Variants in PXYLP1 observed in about 807,000 individuals in gnomAD.
The protein encoded by PXYLP1 is 2-phosphoxylose phosphatase 1.
Under a neutral mutation model 37.9 loss-of-function variants are expected in PXYLP1, and 17 were observed. The observed-to-expected ratio is 0.45, with a 90% CI of 0.31 to 0.67. The LOEUF is 0.67. PXYLP1 is among the 30% of genes least tolerant of loss of function. The pLI is 0.07. For missense variants in PXYLP1, 511 were observed against 612.0 expected, an observed-to-expected ratio of 0.84 and a Z score of 1.74; for synonymous variants, 221 against 232.2, an observed-to-expected ratio of 0.95 and a Z score of 0.44.
chr3:141,233,281 A>G (rs1205321537), intron 1 of PXYLP1, among the ~76,000 whole-genome samples: 2 of 152,062 alleles, frequency 1.3e-5, no homozygotes, highest in African/African-American at 4.8e-5. Flanking sequence ...TAGCCTGACC[A>G]ACATAAAAAC....
chr3:141,284,646 A>G (rs1942030367), intron 4 of PXYLP1, among the ~76,000 whole-genome samples: 1 of 152,198 alleles, frequency 6.6e-6, no homozygotes, highest in East Asian at 1.9e-4. Flanking sequence ...ACATTCTCCC[A>G]TGTACTTTAC....
chr3:141,259,898 T>C (rs1362803987), intron 1 of PXYLP1, among the ~76,000 whole-genome samples: 3 of 152,222 alleles, frequency 2.0e-5, no homozygotes, highest in Non-Finnish European at 4.4e-5. Flanking sequence ...ATTCAGGAAC[T>C]AGTTTTTGCT....
chr3:141,292,359 G>A lies in PXYLP1; in HGVS notation c.597G>A (p.Gln199=), dbSNP rs751878330. 1.2e-6 allele frequency: 2 copies of A among 1,614,156 alleles called. No individual in the cohort carries two copies. The highest frequency in any genetic ancestry group is 2.2e-5 in the South Asian group (2 of 91,084). ...KLLPNDWSAD[Q]LYLETTGKSR... ...TGCCCAATGATTGGTCTGCAGACCAGCTCTATTTAGAGACCACTGGGAAAA... is the reference window on the plus strand; with the variant it reads ...TGCCCAATGATTGGTCTGCAGACCAACTCTATTTAGAGACCACTGGGAAAA... Residue 199 remains glutamine, a synonymous_variant, in exon 6 of 6, where the codon CAG becomes CAA. Coordinates refer to ENST00000286353, the MANE Select transcript of PXYLP1 (RefSeq NM_001037172.3). This position sits in a 1 kb window ranked among gnomAD's most constrained non-coding sequence, Gnocchi z 4.3.
rs571180000 is a variant in PXYLP1, at chr3:141,266,384, T to TCGC, written c.79+6132_79+6134dup. On this transcript the variant is annotated intron_variant, in intron 2 of 5. Transcript: ENST00000286353. ...CTGGGTGGGGAGAGTGCTGTCTTGG[T>TCGC]CGCCACAGCGCCCACCTGCCTAGTC... Among the ~76,000 whole-genome samples the TCGC allele has an allele frequency of 2.0e-3, 307 of 152,150 alleles. 1 individual carries two copies. The highest frequency in any genetic ancestry group is 7.1e-3 in the African/African-American group (294 of 41,490).
chr3:141,244,993 G>T (rs1940902258), intron 1 of PXYLP1, among the ~76,000 whole-genome samples: 1 of 150,048 alleles, frequency 6.7e-6, no homozygotes, highest in African/African-American at 2.4e-5. Context: ...CATGATAGGT[G>T]AGAGGTGAAT....
At chr3:141,277,898 AC>A (rs1941836429) in intron 2 of PXYLP1, among the ~76,000 whole-genome samples, 1 of 152,236 alleles carries the variant, frequency 6.6e-6, no homozygotes, top group Admixed American at 6.5e-5. Flanking sequence ...CTGAAGGCCC[AC>A]AAAGCATAAA....
chr3:141,267,392 C>A (rs527381876), intron 2 of PXYLP1: 1 of 152,212 alleles, frequency 6.6e-6, no homozygotes, highest in East Asian at 1.9e-4. Context: ...CAGCTGGAGA[C>A]AAAAAGTATG....
At chr3:141,265,290 C>A (rs1257065329) in intron 2 of PXYLP1, among the ~76,000 whole-genome samples, 1 of 151,728 alleles carries the variant, frequency 6.6e-6, no homozygotes, top group Non-Finnish European at 1.5e-5. Context: ...TTCCAAAGCA[C>A]CTTCATCAGA....
In PXYLP1 at chr3:141,278,340, A is replaced by G; in HGVS notation, c.80-2A>G. Reference sequence around the variant, plus strand: ...GTCACAACCTGCCTTACTTCGTTTCAGTCCACCTGATCCCGGTGTCGACTC... The same window carrying G: ...GTCACAACCTGCCTTACTTCGTTTCGGTCCACCTGATCCCGGTGTCGACTC... On this transcript the variant is annotated splice_acceptor_variant, in intron 2 of 5. Transcript: ENST00000286353. LOFTEE classifies it high-confidence loss of function. 6.2e-7 allele frequency: 1 copy of G among 1,614,180 alleles called. No homozygotes were observed. Among genetic ancestry groups the G allele is most frequent in the Non-Finnish European group, 8.5e-7 (1 of 1,180,008 alleles).
intron 2 of PXYLP1, among the ~76,000 whole-genome samples, chr3:141,263,071 G>A (rs1941430274): frequency 6.6e-6 from 1 of 152,204 alleles, no homozygotes; most frequent in African/African-American, 2.4e-5. Flanking sequence ...GGTCTTATTG[G>A]TAGTTTTCTT....
chr3:141,240,128 A>G (rs548444304), intron 1 of PXYLP1, among the ~76,000 whole-genome samples: 1 of 152,312 alleles, frequency 6.6e-6, no homozygotes, highest in South Asian at 2.1e-4. Context: ...CTGTACTGAC[A>G]CTTGTGTTAC....
chr3:141,258,658 C>T (rs1181327258), intron 1 of PXYLP1: 2 of 164,220 alleles, frequency 1.2e-5, no homozygotes, highest in Non-Finnish European at 1.3e-5. Flanking sequence ...CGTCCCATAC[C>T]GTCATGCGCG....
chr3:141,243,205 C>T (rs1403265004), intron 1 of PXYLP1, among the ~76,000 whole-genome samples: 1 of 152,168 alleles, frequency 6.6e-6, no homozygotes, highest in Non-Finnish European at 1.5e-5. Flanking sequence ...CTTGGAAAAA[C>T]CCACCAGTTG....
intron 1 of PXYLP1, among the ~76,000 whole-genome samples, chr3:141,248,403 T>C (rs980683649): frequency 2.0e-5 from 3 of 151,802 alleles, no homozygotes; most frequent in Non-Finnish European, 4.4e-5. Flanking sequence ...CCTCCAAAGC[T>C]AAATGTTGTA....
chr3:141,278,335 G>A lies in PXYLP1; in HGVS notation c.80-7G>A, dbSNP rs764417436. On this transcript the variant is annotated splice_polypyrimidine_tract_variant and splice_region_variant and intron_variant, in intron 2 of 5. Coordinates refer to ENST00000286353, the MANE Select transcript of PXYLP1 (RefSeq NM_001037172.3). ...TGTGCGTCACAACCTGCCTTACTTC[G>A]TTTCAGTCCACCTGATCCCGGTGTC... 11 of 1,614,102 alleles carry A rather than the reference G, an allele frequency of 6.8e-6. No individual in the cohort carries two copies. Among genetic ancestry groups the A allele is most frequent in the Admixed American group, 5.0e-5 (3 of 60,012 alleles).
chr3:141,249,506 C>T (rs920271673), intron 1 of PXYLP1, among the ~76,000 whole-genome samples: 1 of 111,044 alleles, frequency 9.0e-6, no homozygotes, highest in African/African-American at 3.8e-5. Flanking sequence ...AAAAGTTTGA[C>T]TTTTATCATT....
At chr3:141,256,218 C>T (rs932083521) in intron 1 of PXYLP1, among the ~76,000 whole-genome samples, 1 of 152,174 alleles carries the variant, frequency 6.6e-6, no homozygotes, top group African/African-American at 2.4e-5. Context: ...GACCGCAGGG[C>T]TCTGCCTGTT....
At chr3:141,264,671 A>G (rs1318889684) in intron 2 of PXYLP1, among the ~76,000 whole-genome samples, 1 of 152,230 alleles carries the variant, frequency 6.6e-6, no homozygotes, top group Non-Finnish European at 1.5e-5. Flanking sequence ...AGGCAGCAGC[A>G]CAGTGGGGTC....
intron 1 of PXYLP1, among the ~76,000 whole-genome samples, chr3:141,238,008 A>G (rs1376127023): frequency 6.6e-6 from 1 of 152,152 alleles, no homozygotes; most frequent in Non-Finnish European, 1.5e-5. Flanking sequence ...TGCCAACACT[A>G]TTTTTGGTCC....
Sources: allele counts gnomAD v4.1 joint callset (sites outside exome capture counted in the v4.1 genomes callset), GRCh38; gene constraint gnomAD v4.1.1; non-coding constraint Gnocchi (gnomAD v3.1); transcripts MANE v1.5; gene names NCBI Gene and HGNC (gene_info 2026-07-23, HGNC 2026-07-21).